Variants in CRTC3 observed in about 807,000 individuals in gnomAD.
CRTC3 encodes the protein CREB regulated transcription coactivator 3, also known as CREB-regulated transcription coactivator 3.
A neutral mutation model predicts 74.5 loss-of-function variants in CRTC3; 26 were observed. That is an observed-to-expected ratio of 0.35 (90% CI 0.26 to 0.48). The LOEUF is 0.48. CRTC3 is among the 20% of genes least tolerant of loss of function. The probability of loss-of-function intolerance (pLI) is 0.99; values close to 1 mark genes in which losing one functional copy is unlikely to be tolerated. For synonymous variants in CRTC3, 377 were observed against 325.8 expected (o/e 1.16, Z -1.69); for missense variants, 760 against 787.3 (o/e 0.97, Z 0.41).
intron 6 of CRTC3, 83 bp downstream of exon 6, chr15:90,607,561 T>C (rs1000980746): frequency 2.2e-5 from 18 of 833,888 alleles, no homozygotes; most frequent in African/African-American, 3.4e-5. Context: ...GCTGAAGTGG[T>C]GTTTGCGCTT....
At chr15:90,533,086 A>AGG (rs1368513094) in intron 1 of CRTC3, among the ~76,000 whole-genome samples, 2 of 12,412 alleles carry the variant, frequency 1.6e-4, no homozygotes, top group Non-Finnish European at 4.6e-4. Context: ...CTTCATCTCA[A>AGG]AAAAAAAAAA....
At chr15:90,564,111 A>G (rs1443843565) in intron 2 of CRTC3, among the ~76,000 whole-genome samples, 7 of 152,092 alleles carry the variant, frequency 4.6e-5, no homozygotes, top group Admixed American at 2.6e-4. Flanking sequence ...GGATTAAACA[A>G]TTTCCCTGCA....
intron 2 of CRTC3, among the ~76,000 whole-genome samples, chr15:90,572,967 T>A (rs948279198): frequency 2.0e-5 from 3 of 152,232 alleles, no homozygotes; most frequent in Non-Finnish European, 4.4e-5. Flanking sequence ...AGTTCATTAG[T>A]GTTAAGTATA....
At chr15:90,548,078 A>G in intron 2 of CRTC3, among the ~76,000 whole-genome samples, 1 of 151,744 alleles carries the variant, frequency 6.6e-6, no homozygotes, top group African/African-American at 2.4e-5. Flanking sequence ...TTGTAGAGAT[A>G]GAGTTTCACT....
chr15:90,640,040 C>G (rs774022539), intron 13 of CRTC3, among the ~76,000 whole-genome samples: 1 of 151,840 alleles, frequency 6.6e-6, no homozygotes, highest in Admixed American at 6.6e-5. Context: ...CAAAGCAAGA[C>G]TCTGTCTCAA....
chr15:90,537,785 C>T (rs1311038636), intron 1 of CRTC3, among the ~76,000 whole-genome samples: 2 of 152,156 alleles, frequency 1.3e-5, no homozygotes, highest in East Asian at 1.9e-4. Context: ...AGCAATTCTT[C>T]TGCTTCATCC....
intron 2 of CRTC3, among the ~76,000 whole-genome samples, chr15:90,549,217 C>T (rs1966849848): frequency 6.6e-6 from 1 of 152,032 alleles, no homozygotes; most frequent in Non-Finnish European, 1.5e-5. Context: ...ACATGCTATT[C>T]TGTCACATGG....
At chr15:90,563,856 A>G (rs1967065497) in intron 2 of CRTC3, among the ~76,000 whole-genome samples, 1 of 152,148 alleles carries the variant, frequency 6.6e-6, no homozygotes, top group Non-Finnish European at 1.5e-5. Flanking sequence ...AGAAAAAATA[A>G]TTTCCTTCTT....
chr15:90,598,744 C>A (rs1967994369), intron 3 of CRTC3: 1 of 554,602 alleles, frequency 1.8e-6, no homozygotes, highest in South Asian at 2.1e-5. Flanking sequence ...TTGGAGTTCA[C>A]AAAAGAACTG....
At chr15:90,591,642 C>A (rs897404752) in intron 2 of CRTC3, among the ~76,000 whole-genome samples, 1 of 152,146 alleles carries the variant, frequency 6.6e-6, no homozygotes, top group East Asian at 1.9e-4. Context: ...AATGGCGAGA[C>A]CTTGTCTCTA....
At chr15:90,561,831 A>G (rs1174273512) in intron 2 of CRTC3, among the ~76,000 whole-genome samples, 1 of 152,244 alleles carries the variant, frequency 6.6e-6, no homozygotes, top group Non-Finnish European at 1.5e-5. Flanking sequence ...TCCCTATGTT[A>G]TGAAACAGCT....
At chr15:90,640,892 A>AC in intron 13 of CRTC3, 2 of 566,518 alleles carry the variant, frequency 3.5e-6, no homozygotes, top group South Asian at 2.0e-5. Context: ...GACCTCAGGG[A>AC]CCCCTCCTCC....
chr15:90,617,912 G>A lies in CRTC3; in HGVS notation c.643G>A (p.Glu215Lys), dbSNP rs370846835. Residue 215 changes from glutamate to lysine, a missense_variant, in exon 8 of 15, where the codon GAG becomes AAG. Physicochemically the swap from Glu to Lys is moderately conservative, Grantham distance 56. Transcript: ENST00000268184. Reference sequence around the variant, plus strand: ...ATCTTTCCCTGGCCCATTGAAAGAAGAGAATCTGTTAAATGTTCCGAAGCC... The same window carrying A: ...ATCTTTCCCTGGCCCATTGAAAGAAAAGAATCTGTTAAATGTTCCGAAGCC... ...VASFPGPLKE[E>K]NLLNVPKPLP... is the part of the protein sequence containing the mutation. 77 of 1,612,932 alleles carry A rather than the reference G, an allele frequency of 4.8e-5. No homozygotes were observed. The highest frequency in any genetic ancestry group is 6.4e-5 in the Non-Finnish European group (76 of 1,179,204).
Position 90,625,677 on chromosome 15 carries a change from C to A in CRTC3, c.750-99C>A. ...GCACCAGGACCTCGGTCTTTTGTAG[C>A]CACTGCTCTTATTTGACAAGGAAAA... is the stretch of plus-strand genomic sequence containing the variant. On this transcript the variant is annotated intron_variant, in intron 9 of 14. Coordinates refer to ENST00000268184, the MANE Select transcript of CRTC3 (RefSeq NM_022769.5). 5.6e-6 allele frequency: 6 copies of A among 1,076,196 alleles called. No homozygotes were observed. In the South Asian group the frequency reaches 8.1e-5, roughly 15 times the overall value. 66.7% of individuals were successfully genotyped at this position (1,076,196 alleles called of 1,614,324 possible).
At chr15:90,610,215 CA>C (rs1285974899) in intron 6 of CRTC3, among the ~76,000 whole-genome samples, 1 of 152,002 alleles carries the variant, frequency 6.6e-6, no homozygotes, top group Non-Finnish European at 1.5e-5. Flanking sequence ...ACTGGCTTTG[CA>C]AAAAGGTATT....
At chr15:90,610,095 T>C (rs1276604206) in intron 6 of CRTC3, among the ~76,000 whole-genome samples, 8 of 152,256 alleles carry the variant, frequency 5.3e-5, no homozygotes, top group Non-Finnish European at 1.2e-4. Flanking sequence ...AAATTATTTC[T>C]GGAGAATTAT....
chr15:90,587,851 T>C (rs1415697757), intron 2 of CRTC3, among the ~76,000 whole-genome samples: 1 of 151,936 alleles, frequency 6.6e-6, no homozygotes, highest in African/African-American at 2.4e-5. Context: ...TGAGCTCAAA[T>C]GATCCACCCA....
intron 6 of CRTC3, 51 bp downstream of exon 6, chr15:90,607,529 C>A: frequency 8.5e-7 from 1 of 1,173,994 alleles, no homozygotes; most frequent in Non-Finnish European, 1.3e-6. Flanking sequence ...TCATTCTGTC[C>A]TAGGAACCAA....
chr15:90,634,642 CAT>C (rs1166364092), intron 11 of CRTC3: 2 of 538,950 alleles, frequency 3.7e-6, no homozygotes, highest in Non-Finnish European at 6.7e-6. Flanking sequence ...GTGCTCTGCT[CAT>C]GTTTAAGAAC....
Sources: gnomAD v4.1 joint callset for allele counts (sites outside exome capture counted in the v4.1 genomes callset) on GRCh38, gnomAD v4.1.1 for gene constraint, MANE v1.5 for transcripts, NCBI Gene and HGNC (gene_info 2026-07-23, HGNC 2026-07-21) for gene names.